Variants in DCDC1 observed in about 807,000 individuals in gnomAD.
DCDC1 encodes the protein doublecortin domain containing 1.
A neutral mutation model predicts 178.3 loss-of-function variants in DCDC1; 200 were observed. That is an observed-to-expected ratio of 1.12 (90% CI 1.00 to 1.26). The LOEUF (loss-of-function observed/expected upper bound fraction) is 1.26, where lower values mean the gene tolerates loss of function less well. DCDC1 is among the 50% of genes most tolerant of loss of function. DCDC1 has a pLI of 0.00. For synonymous variants in DCDC1, 690 were observed against 604.8 expected, an observed-to-expected ratio of 1.14 and a Z score of -2.07; for missense variants, 1,983 against 1,749.2, an observed-to-expected ratio of 1.13 and a Z score of -2.38.
chr11:31,360,256 C>T (rs1951638927), intron 1 of DCDC1, among the ~76,000 whole-genome samples: 2 of 152,050 alleles, frequency 1.3e-5, no homozygotes, highest in Non-Finnish European at 2.9e-5. Context: ...TAATACATAC[C>T]GAGGTATGGA....
chr11:31,325,316 A>C (rs752040869), intron 3 of DCDC1, among the ~76,000 whole-genome samples: 12 of 152,128 alleles, frequency 7.9e-5, no homozygotes, highest in African/African-American at 1.9e-4. Flanking sequence ...TCACTTGGGA[A>C]TGCATCAGAC....
intron 9 of DCDC1, among the ~76,000 whole-genome samples, chr11:31,238,984 T>C (rs927692704): frequency 6.6e-6 from 1 of 152,092 alleles, no homozygotes; most frequent in African/African-American, 2.4e-5. Context: ...ACTTTTCTTT[T>C]AAAGCTATAT....
At chr11:31,158,803 G>C (rs1966007343) in intron 9 of DCDC1, among the ~76,000 whole-genome samples, 1 of 152,078 alleles carries the variant, frequency 6.6e-6, no homozygotes, top group Non-Finnish European at 1.5e-5. Context: ...CAGAAAAATT[G>C]ATAAGTTTGA....
chr11:31,003,390 G>A (rs1951680329), intron 20 of DCDC1, among the ~76,000 whole-genome samples: 1 of 152,226 alleles, frequency 6.6e-6, no homozygotes, highest in East Asian at 1.9e-4. Context: ...ATTTACTGCT[G>A]TGGTTCTCAA....
intron 20 of DCDC1, among the ~76,000 whole-genome samples, chr11:31,049,870 A>G (rs1955123801): frequency 6.6e-6 from 1 of 152,198 alleles, no homozygotes; most frequent in Non-Finnish European, 1.5e-5. Flanking sequence ...TGGCTCCCCA[A>G]GCAGCCATTC....
At chr11:31,082,612 C>T (rs970297480) in intron 17 of DCDC1, among the ~76,000 whole-genome samples, 2 of 147,212 alleles carry the variant, frequency 1.4e-5, no homozygotes, top group African/African-American at 2.5e-5. Flanking sequence ...TATATCTATA[C>T]ATCACACACA....
rs149987025 is a variant in DCDC1, at chr11:30,922,475, T to C, written c.3133+28A>G. On this transcript the variant is annotated intron_variant, in intron 24 of 38. Coordinates refer to ENST00000684477, the MANE Select transcript of DCDC1 (RefSeq NM_001387274.1). ...TCAAGCATTTCATTTTGGCTGAATA[T>C]ATTAAGGTAAATAATTCCAATGCTT... 12 of 1,486,452 alleles carry C rather than the reference T, an allele frequency of 8.1e-6. No individual in the cohort carries two copies. The Admixed American group carries it at 2.1e-4, about 26-fold the overall frequency. 92.1% of individuals were successfully genotyped at this position (1,486,452 alleles called of 1,614,324 possible).
chr11:31,286,168 T>G (rs1207933191), intron 7 of DCDC1, among the ~76,000 whole-genome samples: 3 of 149,908 alleles, frequency 2.0e-5, no homozygotes, highest in Non-Finnish European at 3.0e-5. Flanking sequence ...GGGCCCACAC[T>G]CAAGAATTCT....
chr11:30,952,459 C>T lies in DCDC1; in HGVS notation c.2701G>A (p.Gly901Ser). 1 of 1,567,200 alleles carries T rather than the reference C, an allele frequency of 6.4e-7. No individual in the cohort carries two copies. ...LTYMWPVLPS[G>S]QLNEEFDWPI... ...AGCAACACAACCTCATTAAGTTGGC[C>T]ACTGGGAAGGACAGGCCACATGTAG... The change falls in exon 21 of 39, where the codon GGC becomes AGC. Residue 901 changes from glycine (G) to serine (S), a missense_variant. Coordinates refer to ENST00000684477, the MANE Select transcript of DCDC1 (RefSeq NM_001387274.1).
At chr11:31,076,504 A>G (rs1408849337) in intron 18 of DCDC1, among the ~76,000 whole-genome samples, 1 of 151,912 alleles carries the variant, frequency 6.6e-6, no homozygotes, top group Non-Finnish European at 1.5e-5. Context: ...ATGCACCATC[A>G]GGACTGGTTA....
At chr11:31,191,756 C>A (rs950362182) in intron 9 of DCDC1, among the ~76,000 whole-genome samples, 26 of 152,014 alleles carry the variant, frequency 1.7e-4, no homozygotes, top group Admixed American at 3.9e-4. Flanking sequence ...GTAGGCTTTG[C>A]TCCAGTCTAG....
At chr11:31,083,159 G>A (rs560313269) in intron 17 of DCDC1, among the ~76,000 whole-genome samples, 37 of 152,086 alleles carry the variant, frequency 2.4e-4, no homozygotes, top group African/African-American at 8.0e-4. Flanking sequence ...TTTTTAGCAA[G>A]ACCTAAATGG....
chr11:30,874,677 T>C (rs138498230), intron 38 of DCDC1, among the ~76,000 whole-genome samples: 259 of 152,226 alleles, frequency 1.7e-3, no homozygotes, highest in Non-Finnish European at 2.1e-3. Context: ...CTTCAGGAAA[T>C]TTCCTTTAAA....
chr11:30,916,100 A>C lies in DCDC1; in HGVS notation c.3453-389T>G, dbSNP rs556231260. On this transcript the variant is annotated intron_variant, in intron 26 of 38. Coordinates refer to ENST00000684477, the MANE Select transcript of DCDC1 (RefSeq NM_001387274.1). ...GAAATAAAGGAATTCTATTCAAACT[A>C]TGATTGTTTCTTTCCTCTATCTACA... Among the ~76,000 whole-genome samples the C allele has an allele frequency of 3.3e-5, 5 of 152,318 alleles. No individual in the cohort carries two copies. In the East Asian group the frequency reaches 5.8e-4, roughly 18 times the overall value.
chr11:30,897,632 GA>G (rs1177315493), intron 34 of DCDC1, among the ~76,000 whole-genome samples: 1 of 145,590 alleles, frequency 6.9e-6, no homozygotes, highest in African/African-American at 2.5e-5. Context: ...AATAAAAACT[GA>G]AGACAATATA....
chr11:31,076,660 T>C (rs560128995), intron 18 of DCDC1, among the ~76,000 whole-genome samples: 28 of 152,304 alleles, frequency 1.8e-4, no homozygotes, highest in African/African-American at 6.7e-4. Flanking sequence ...TGTTTGGAGA[T>C]ACAGATGTCC....
intron 9 of DCDC1, among the ~76,000 whole-genome samples, chr11:31,232,417 T>C (rs992940431): frequency 1.3e-5 from 2 of 152,104 alleles, no homozygotes. Context: ...CTCTGAGAGG[T>C]CCTATCTATA....
At chr11:31,138,275 T>C (rs1963404132) in intron 9 of DCDC1, among the ~76,000 whole-genome samples, 2 of 152,180 alleles carry the variant, frequency 1.3e-5, no homozygotes, top group South Asian at 2.1e-4. Context: ...TGTATCTAAA[T>C]ACATAAACAG....
At chr11:30,934,864 G>T (rs564469781) in intron 21 of DCDC1, among the ~76,000 whole-genome samples, 9 of 152,232 alleles carry the variant, frequency 5.9e-5, no homozygotes, top group African/African-American at 2.2e-4. Context: ...AATTTCTAAG[G>T]TTTGCCTTAA....
Sources: gnomAD v4.1 joint callset for allele counts (sites outside exome capture counted in the v4.1 genomes callset) on GRCh38, gnomAD v4.1.1 for gene constraint, MANE v1.5 for transcripts, NCBI Gene and HGNC (gene_info 2026-07-23, HGNC 2026-07-21) for gene names.